The following WNK2 variants were observed in gnomAD, a reference collection of about 807,000 sequenced individuals.
WNK2 encodes serine/threonine-protein kinase WNK2.
In WNK2, 67 loss-of-function variants were observed where a neutral mutation model predicts 192.1. The ratio of observed to expected loss-of-function variants is 0.35; its 90% CI spans 0.29 to 0.43. The LOEUF (loss-of-function observed/expected upper bound fraction) is 0.43. Among genes scored for constraint, WNK2 ranks in the 20% least tolerant of loss-of-function variants. The pLI is 1.00. For synonymous variants in WNK2, 1,439 were observed against 1,393.9 expected, an observed-to-expected ratio of 1.03 and a Z score of -0.72; for missense variants, 2,698 against 3,089.7, an observed-to-expected ratio of 0.87 and a Z score of 3.01.
chr9:93,301,414 G>A (rs1225062252), intron 26 of WNK2, among the ~76,000 whole-genome samples: 1 of 152,166 alleles, frequency 6.6e-6, no homozygotes. Flanking sequence ...GCAATTCGAG[G>A]ACACAAGGGC....
chr9:93,270,253 T>A (rs1341585159), intron 19 of WNK2, among the ~76,000 whole-genome samples: 3 of 152,182 alleles, frequency 2.0e-5, no homozygotes, highest in Non-Finnish European at 4.4e-5. Context: ...TGGAGTGCCG[T>A]GGGTTCAGGC....
intron 26 of WNK2, among the ~76,000 whole-genome samples, chr9:93,300,926 C>A (rs140587797): frequency 6.6e-6 from 1 of 152,162 alleles, no homozygotes; most frequent in Non-Finnish European, 1.5e-5. Context: ...CCTGCTTGGC[C>A]GGCTCCTCCT....
chr9:93,285,407 C>T (rs532659432), intron 19 of WNK2, among the ~76,000 whole-genome samples: 2 of 152,258 alleles, frequency 1.3e-5, no homozygotes, highest in African/African-American at 4.8e-5. Context: ...AAAGTAGCTA[C>T]AGACTGCAGT....
At chr9:93,243,483 T>C (rs1235153985) in intron 7 of WNK2, among the ~76,000 whole-genome samples, 1 of 152,222 alleles carries the variant, frequency 6.6e-6, no homozygotes, top group African/African-American at 2.4e-5. Context: ...CTGCATCTTT[T>C]GCATTTTTTT....
At chr9:93,238,914 C>T (rs923650944) in intron 6 of WNK2, among the ~76,000 whole-genome samples, 62 of 152,198 alleles carry the variant, frequency 4.1e-4, no homozygotes, top group African/African-American at 1.4e-3. Flanking sequence ...CCCCCTCACA[C>T]TGGAGTACAC....
At position 93,298,080 on chromosome 9, in the gene WNK2, G is replaced by A; in HGVS notation, c.5923+13G>A. The stretch of plus-strand genomic sequence containing the variant: ...GCCTCCAGCACAGGTCGGCCTCCGG[G>A]TGCAGGGCTGGGATGGGAGCGGGGC... On this transcript the variant is annotated intron_variant, in intron 24 of 29. Coordinates refer to ENST00000427277, the MANE Select transcript of WNK2 (RefSeq NM_006648.4). 3.2e-6 allele frequency: 5 copies of A among 1,548,214 alleles called. No individual in the cohort carries two copies. Among genetic ancestry groups the A allele is most frequent in the Non-Finnish European group, 3.5e-6 (4 of 1,146,854 alleles).
chr9:93,255,993 A>G (rs1843229877), intron 9 of WNK2, among the ~76,000 whole-genome samples: 1 of 152,058 alleles, frequency 6.6e-6, no homozygotes, highest in Non-Finnish European at 1.5e-5. Flanking sequence ...CCCCAGTTTA[A>G]TGTCCTCGGG....
intron 2 of WNK2, among the ~76,000 whole-genome samples, chr9:93,194,572 G>A (rs1472419732): frequency 6.6e-6 from 1 of 152,252 alleles, no homozygotes; most frequent in African/African-American, 2.4e-5. Flanking sequence ...TGGTGAGGAT[G>A]TGGAGTGACA....
At chr9:93,255,985 C>CA in intron 9 of WNK2, among the ~76,000 whole-genome samples, 1 of 152,166 alleles carries the variant, frequency 6.6e-6, no homozygotes, top group Non-Finnish European at 1.5e-5. Context: ...GTGAGCTTCC[C>CA]CAGTTTAATG....
rs749441971 is a variant in WNK2, at chr9:93,259,549, C to A, written c.3001C>A (p.Arg1001Ser). 2 of 1,594,000 alleles carry A rather than the reference C, an allele frequency of 1.3e-6. No individual in the cohort carries two copies. Among genetic ancestry groups the A allele is most frequent in the Non-Finnish European group, 1.7e-6 (2 of 1,176,784 alleles). Reference sequence around the variant, plus strand: ...GCCCCCGCAGCCGGCACTGCCTGTGCGCCCTGAGCCCCTCCAGCCCCACCT... The same window carrying A: ...GCCCCCGCAGCCGGCACTGCCTGTGAGCCCTGAGCCCCTCCAGCCCCACCT... Reference protein sequence around the residue: ...VLPPQPALPVRPEPLQPHLPE... With the variant: ...VLPPQPALPVSPEPLQPHLPE... The change falls in exon 12 of 30, where the codon CGC becomes AGC. Residue 1001 changes from arginine to serine, a missense_variant. Physicochemically the swap from Arg to Ser is moderately radical, Grantham distance 110 (BLOSUM62 -1). This residue lies in a region of WNK2 where 893 missense variants were observed against 909.0 expected (regional missense o/e 0.98). Transcript: ENST00000427277. This position sits in a 1 kb window ranked among gnomAD's most constrained non-coding sequence, Gnocchi z 4.8.
chr9:93,256,808 G>GT (rs1843374665), intron 10 of WNK2, 140 bp from the exon 11 acceptor site: 1 of 791,648 alleles, frequency 1.3e-6, no homozygotes, highest in East Asian at 2.7e-5. Flanking sequence ...GTGCAAGTGT[G>GT]TGTGTGCAGG....
Position 93,239,649 on chromosome 9 carries a change from A to G in WNK2, c.1323-108A>G. On this transcript the variant is annotated intron_variant, in intron 6 of 29. Coordinates refer to ENST00000427277, the MANE Select transcript of WNK2 (RefSeq NM_006648.4). The surrounding 1 kb of genome is among the most constrained non-coding windows in gnomAD (Gnocchi z 4.2). ...GTGCTGAGACATGAGGCCTGGCCTC[A>G]GGCTCCTGCAGGTGTGCCTGTCCTT... The G allele has an allele frequency of 1.1e-6, 1 of 942,366 alleles. No individual in the cohort carries two copies. 58.4% of individuals were successfully genotyped at this position (942,366 alleles called of 1,614,324 possible).
In WNK2 at chr9:93,247,183, T is replaced by G. The variant is rs1841871387; in HGVS notation, c.1543-360T>G. Among the ~76,000 whole-genome samples the G allele has an allele frequency of 6.6e-6, 1 of 152,190 alleles. No homozygotes were observed. The highest frequency in any genetic ancestry group is 1.5e-5 in the Non-Finnish European group (1 of 68,032). Reference sequence around the variant, plus strand: ...GGAAAATGCTAGCTCCAAAGCTCCTTGTCACCACTTCTGAGTATGGAGACA... The same window carrying G: ...GGAAAATGCTAGCTCCAAAGCTCCTGGTCACCACTTCTGAGTATGGAGACA... On this transcript the variant is annotated intron_variant, in intron 7 of 29. Coordinates refer to ENST00000427277, the MANE Select transcript of WNK2 (RefSeq NM_006648.4). This position sits in a 1 kb window ranked among gnomAD's most constrained non-coding sequence, Gnocchi z 5.2.
rs774069447 is a variant in WNK2, at chr9:93,253,029, G to A, written c.1981G>A (p.Val661Ile). 1.2e-5 allele frequency: 19 copies of A among 1,543,224 alleles called. No homozygotes were observed. The highest frequency in any genetic ancestry group is 1.7e-4 in the Middle Eastern group (1 of 5,950). The change falls in exon 9 of 30, where the codon GTC (valine) becomes ATC (isoleucine). Residue 661 changes from valine (V) to isoleucine (I), a missense_variant. Val to Ile is a conservative substitution (Grantham distance 29, BLOSUM62 3). This residue lies in a region of WNK2 where 893 missense variants were observed against 909.0 expected (regional missense o/e 0.98). Coordinates refer to ENST00000427277, the MANE Select transcript of WNK2 (RefSeq NM_006648.4). ...VCSPPVSEGP[V>I]LPQSLPSLGA... ...CAGCCCCCCTGTGAGCGAGGGGCCC[G>A]TCCTGCCGCAGAGCCTGCCCTCGCT...
intron 4 of WNK2, among the ~76,000 whole-genome samples, chr9:93,234,404 CT>C (rs1410386322): frequency 6.6e-6 from 1 of 152,200 alleles, no homozygotes; most frequent in Non-Finnish European, 1.5e-5. Context: ...AACCCAAGTT[CT>C]TTCTGCTCCA....
At chr9:93,244,251 C>T (rs566521345) in intron 7 of WNK2, among the ~76,000 whole-genome samples, 19 of 152,164 alleles carry the variant, frequency 1.2e-4, no homozygotes, top group Non-Finnish European at 2.4e-4. Context: ...AAGTTCCACT[C>T]GGCAGATGGA....
rs769474904 is a variant in WNK2, at chr9:93,229,770, C to G, written c.756C>G (p.Pro252=). Residue 252 remains proline, a synonymous_variant, in exon 3 of 30, where the codon CCC becomes CCG. Coordinates refer to ENST00000427277, the MANE Select transcript of WNK2 (RefSeq NM_006648.4). The surrounding 1 kb of genome is among the most constrained non-coding windows in gnomAD (Gnocchi z 4.9). Reference sequence around the variant, plus strand: ...AGATGCTGAAAGGCCTGCAGCACCCCAACATCGTGCGCTTCTACGACTTCT... The same window carrying G: ...AGATGCTGAAAGGCCTGCAGCACCCGAACATCGTGCGCTTCTACGACTTCT... ...EAEMLKGLQH[P]NIVRFYDFWE... is the part of the protein sequence containing the mutation. 5 of 1,613,744 alleles carry G rather than the reference C, an allele frequency of 3.1e-6. No homozygotes were observed. The highest frequency in any genetic ancestry group is 4.2e-6 in the Non-Finnish European group (5 of 1,179,862).
chr9:93,306,850 CCT>C (rs760559287), intron 27 of WNK2, 29 bp downstream of exon 27: 15 of 1,613,934 alleles, frequency 9.3e-6, no homozygotes, highest in Non-Finnish European at 1.2e-5. Flanking sequence ...TCCCCTTTGT[CCT>C]CTCTCATCGC....
chr9:93,285,082 A>G (rs1848260290), intron 19 of WNK2, among the ~76,000 whole-genome samples: 1 of 152,234 alleles, frequency 6.6e-6, no homozygotes. Context: ...ATTTTTTGTT[A>G]AGAATTTGGA....
Sources: allele counts gnomAD v4.1 joint callset (sites outside exome capture counted in the v4.1 genomes callset), GRCh38; gene constraint gnomAD v4.1.1; regional missense constraint gnomAD v4.1.1; non-coding constraint Gnocchi (gnomAD v3.1); transcripts MANE v1.5; gene names NCBI Gene and HGNC (gene_info 2026-07-23, HGNC 2026-07-21).